DPP6: variants seen among roughly 807,000 people sequenced by gnomAD.
DPP6 encodes the protein dipeptidyl peptidase like 6, also known as A-type potassium channel modulatory protein DPP6.
A neutral mutation model predicts 122.6 loss-of-function variants in DPP6; 69 were observed. The observed-to-expected ratio is 0.56, with a 90% confidence interval of 0.46 to 0.69. DPP6 has a LOEUF of 0.69. DPP6 is among the 30% of genes least tolerant of loss of function. The pLI is 0.00. For missense variants in DPP6, 928 were observed against 1,116.9 expected, an observed-to-expected ratio of 0.83 and a Z score of 2.41; for synonymous variants, 418 against 433.1, an observed-to-expected ratio of 0.97 and a Z score of 0.43.
chr7:153,990,902 T>C (rs1797144578), intron 1 of DPP6, among the ~76,000 whole-genome samples: 1 of 152,238 alleles, frequency 6.6e-6, no homozygotes, highest in African/African-American at 2.4e-5. Context: ...TGGAAGTCTG[T>C]TCAAATCATA....
intron 1 of DPP6, among the ~76,000 whole-genome samples, chr7:154,346,053 C>A (rs1810368843): frequency 6.6e-6 from 1 of 152,118 alleles, no homozygotes; most frequent in African/African-American, 2.4e-5. Context: ...GGGGTAGAAG[C>A]CTTCCTCCCC....
chr7:154,379,745 C>T (rs1813432192), intron 1 of DPP6, among the ~76,000 whole-genome samples: 2 of 152,156 alleles, frequency 1.3e-5, no homozygotes, highest in Non-Finnish European at 2.9e-5. Flanking sequence ...TGTGTAATTT[C>T]ACAGATTCTT....
At chr7:154,811,997 T>C (rs929878738) in intron 16 of DPP6, among the ~76,000 whole-genome samples, 1 of 152,222 alleles carries the variant, frequency 6.6e-6, no homozygotes, top group Non-Finnish European at 1.5e-5. Context: ...GGCTTCTCTA[T>C]GGTAAAATCT....
At chr7:154,759,573 G>A (rs1388616764) in intron 8 of DPP6, among the ~76,000 whole-genome samples, 1 of 152,210 alleles carries the variant, frequency 6.6e-6, no homozygotes, top group Non-Finnish European at 1.5e-5. Flanking sequence ...TCTTAGCACA[G>A]CCTTTAGCTC....
At chr7:154,674,362 C>G (rs1175119688) in intron 7 of DPP6, among the ~76,000 whole-genome samples, 1 of 152,154 alleles carries the variant, frequency 6.6e-6, no homozygotes, top group African/African-American at 2.4e-5. Context: ...GACTTTGAGG[C>G]AGCCGCGGTG....
chr7:154,297,969 C>A (rs965655911), intron 1 of DPP6, among the ~76,000 whole-genome samples: 2 of 152,178 alleles, frequency 1.3e-5, no homozygotes, highest in Admixed American at 1.3e-4. Flanking sequence ...TCTCAAACAC[C>A]AGGCGACATG....
chr7:154,556,810 A>C (rs1830076934), intron 4 of DPP6, among the ~76,000 whole-genome samples: 1 of 152,224 alleles, frequency 6.6e-6, no homozygotes, highest in Non-Finnish European at 1.5e-5. Context: ...AAAAAGACAA[A>C]TAAATAATAG....
At chr7:154,578,512 AGGGGCTATTCG>A (rs1831835066) in intron 5 of DPP6, among the ~76,000 whole-genome samples, 1 of 151,484 alleles carries the variant, frequency 6.6e-6, no homozygotes, top group Non-Finnish European at 1.5e-5. Flanking sequence ...CGGGCTTGGC[AGGGGCTATTCG>A]GGCTTGGCAG....
Position 154,760,559 on chromosome 7 carries a change from C to A in DPP6, c.884-8858C>A, listed in dbSNP as rs192022652. ...CATTCGTTTCTTTAACTCTTTGAGG[C>A]ATTGTTTCATTATTAGGATGCTTGC... On this transcript the variant is annotated intron_variant, in intron 8 of 25. Coordinates refer to ENST00000377770, the MANE Select transcript of DPP6 (RefSeq NM_130797.4). This position sits in a 1 kb window ranked among gnomAD's most constrained non-coding sequence, Gnocchi z 4.5. 6.6e-6 allele frequency among the ~76,000 whole-genome samples: 1 copy of A among 152,162 alleles called. No homozygotes were observed. The highest frequency in any genetic ancestry group is 1.5e-5 in the Non-Finnish European group (1 of 68,036).
At chr7:154,451,300 C>T (rs553539966) in intron 2 of DPP6, among the ~76,000 whole-genome samples, 20 of 145,788 alleles carry the variant, frequency 1.4e-4, no homozygotes, top group Non-Finnish European at 2.5e-4. Flanking sequence ...GCAGAGGTTG[C>T]AGTGAGCCGA....
chr7:154,629,499 G>T (rs1275291824), intron 5 of DPP6, among the ~76,000 whole-genome samples: 18 of 151,418 alleles, frequency 1.2e-4, no homozygotes, highest in Admixed American at 1.2e-3. Context: ...TTTCAGCCTT[G>T]CTTCTCATTA....
chr7:154,337,103 C>T (rs934023097), intron 1 of DPP6, among the ~76,000 whole-genome samples: 2 of 152,180 alleles, frequency 1.3e-5, no homozygotes, highest in African/African-American at 4.8e-5. Context: ...AGTTACATCA[C>T]TCTTGCAATT....
chr7:154,064,586 T>C (rs1273026694), intron 1 of DPP6, among the ~76,000 whole-genome samples: 3 of 152,234 alleles, frequency 2.0e-5, no homozygotes, highest in African/African-American at 7.2e-5. Flanking sequence ...TTCAGTCTTA[T>C]CTGGGATGTG....
intron 6 of DPP6, among the ~76,000 whole-genome samples, chr7:154,643,804 T>A (rs1443972178): frequency 6.6e-6 from 1 of 152,168 alleles, no homozygotes; most frequent in East Asian, 1.9e-4. Context: ...GTTGAAGGTG[T>A]CACCATCATA....
intron 3 of DPP6, among the ~76,000 whole-genome samples, chr7:154,497,160 A>G (rs1383185657): frequency 6.6e-6 from 1 of 152,130 alleles, no homozygotes; most frequent in African/African-American, 2.4e-5. Context: ...TTGGAATTCC[A>G]TCTCACATCT....
chr7:154,215,184 G>A (rs1054477039), intron 1 of DPP6, among the ~76,000 whole-genome samples: 3 of 152,202 alleles, frequency 2.0e-5, no homozygotes, highest in Admixed American at 2.0e-4. Context: ...GAAGGCAAAG[G>A]GGAAGCGAGG....
At chr7:154,776,427 G>A (rs1456152959) in intron 10 of DPP6, among the ~76,000 whole-genome samples, 4 of 152,048 alleles carry the variant, frequency 2.6e-5, no homozygotes, top group Admixed American at 6.5e-5. Flanking sequence ...TGACTTCCCT[G>A]ATAACCACAT....
chr7:154,301,050 T>C (rs1409384010), intron 1 of DPP6, among the ~76,000 whole-genome samples: 3 of 152,214 alleles, frequency 2.0e-5, no homozygotes, highest in African/African-American at 7.2e-5. Flanking sequence ...GTTCAAGTTC[T>C]GCTGTGACTT....
intron 1 of DPP6, among the ~76,000 whole-genome samples, chr7:154,242,516 T>C (rs1381391731): frequency 6.6e-6 from 1 of 152,172 alleles, no homozygotes; most frequent in Non-Finnish European, 1.5e-5. Context: ...CATAAACAAC[T>C]CTAAAGCTGG....
Sources: allele counts gnomAD v4.1 joint callset (sites outside exome capture counted in the v4.1 genomes callset), GRCh38; gene constraint gnomAD v4.1.1; non-coding constraint Gnocchi (gnomAD v3.1); transcripts MANE v1.5; gene names NCBI Gene and HGNC (gene_info 2026-07-23, HGNC 2026-07-21).